MATCAP2: variants seen among roughly 807,000 people sequenced by gnomAD.
MATCAP2 encodes putative tyrosine carboxypeptidase MATCAP2.
chr7:36,383,664 G>A, the MATCAP2 span, among the ~76,000 whole-genome samples: 5 of 152,244 alleles, frequency 3.3e-5, no homozygotes, highest in South Asian at 1.0e-3. Flanking sequence ...GGTCTGTAGG[G>A]GGGTGGAGAG....
chr7:36,389,755 C>G, the MATCAP2 span: 1 of 429,700 alleles, frequency 2.3e-6, no homozygotes, highest in Non-Finnish European at 4.0e-6. Flanking sequence ...CGGCCCGGCG[C>G]GGCCACGTGA....
At chr7:36,330,147 C>T in the MATCAP2 span, among the ~76,000 whole-genome samples, 4 of 151,220 alleles carry the variant, frequency 2.6e-5, no homozygotes, top group Admixed American at 1.3e-4. Context: ...TTCAGTGGTA[C>T]GATCATGGCT....
chr7:36,359,020 AG>A, the MATCAP2 span, among the ~76,000 whole-genome samples: 1 of 152,226 alleles, frequency 6.6e-6, no homozygotes, highest in Non-Finnish European at 1.5e-5. Flanking sequence ...CCTGTCAATA[AG>A]TGTTCACTGA....
the MATCAP2 span, among the ~76,000 whole-genome samples, chr7:36,350,594 G>A: frequency 2.2e-4 from 33 of 149,872 alleles, no homozygotes; most frequent in African/African-American, 7.1e-4. Context: ...TAGTGCAATG[G>A]CATGATCTTG....
the MATCAP2 span, among the ~76,000 whole-genome samples, chr7:36,387,834 G>A: frequency 6.6e-6 from 1 of 151,998 alleles, no homozygotes; most frequent in African/African-American, 2.4e-5. Flanking sequence ...AAGGCACAAC[G>A]GCTACATAAA....
the MATCAP2 span, chr7:36,326,447 T>C: frequency 5.6e-6 from 1 of 179,958 alleles, no homozygotes; most frequent in African/African-American, 2.4e-5. Flanking sequence ...ACTAGGCCAG[T>C]GCTTACTGCT....
the MATCAP2 span, among the ~76,000 whole-genome samples, chr7:36,334,435 TGAG>T: frequency 6.9e-6 from 1 of 145,410 alleles, no homozygotes; most frequent in East Asian, 2.1e-4. Context: ...CTCAGGAGGC[TGAG>T]GTGAAGAGGA....
At chr7:36,332,816 A>G in the MATCAP2 span, among the ~76,000 whole-genome samples, 4 of 152,210 alleles carry the variant, frequency 2.6e-5, no homozygotes, top group Admixed American at 6.5e-5. Flanking sequence ...AGTCCCAGCT[A>G]CTTGGGAGGC....
At chr7:36,354,100 A>G in the MATCAP2 span, among the ~76,000 whole-genome samples, 2 of 152,160 alleles carry the variant, frequency 1.3e-5, no homozygotes. Flanking sequence ...GTTTCTGTCA[A>G]GTTTAAACGT....
the MATCAP2 span, among the ~76,000 whole-genome samples, chr7:36,384,585 A>G: frequency 2.0e-5 from 3 of 152,236 alleles, no homozygotes; most frequent in Non-Finnish European, 4.4e-5. Context: ...AAACATAAAC[A>G]CATAACTAAA....
the MATCAP2 span, chr7:36,331,096 A>G: frequency 6.6e-7 from 1 of 1,505,392 alleles, no homozygotes; most frequent in Non-Finnish European, 9.2e-7. Flanking sequence ...GAACCAGAAT[A>G]GTGTTTACTT....
the MATCAP2 span, among the ~76,000 whole-genome samples, chr7:36,366,460 G>A: frequency 6.6e-6 from 1 of 152,072 alleles, no homozygotes. Context: ...AACTCAAAAC[G>A]TTCTCACTGT....
chr7:36,336,236 G>C, the MATCAP2 span: 2 of 1,535,000 alleles, frequency 1.3e-6, no homozygotes, highest in Non-Finnish European at 1.7e-6. Flanking sequence ...ACCACCAGTG[G>C]CTTGTTCAAA....
chr7:36,369,183 A>G, the MATCAP2 span, among the ~76,000 whole-genome samples: 251 of 152,342 alleles, frequency 1.6e-3, 1 homozygote, highest in Admixed American at 3.1e-3. Context: ...TTGTGAATTA[A>G]TGAATAAGTA....
chr7:36,385,850 A>AATAAG, the MATCAP2 span, among the ~76,000 whole-genome samples: 7 of 147,046 alleles, frequency 4.8e-5, no homozygotes, highest in African/African-American at 7.6e-5. Flanking sequence ...AATAAAATAA[A>AATAAG]ATAAGATAAA....
At chr7:36,357,698 G>T in the MATCAP2 span, 3 of 815,750 alleles carry the variant, frequency 3.7e-6, no homozygotes, top group Non-Finnish European at 5.6e-6. Flanking sequence ...TCGTAATTTT[G>T]CAGTAATCAT....
chr7:36,340,595 A>T, the MATCAP2 span, among the ~76,000 whole-genome samples: 2 of 152,172 alleles, frequency 1.3e-5, no homozygotes, highest in Non-Finnish European at 2.9e-5. Context: ...CTGAATGTCT[A>T]GCCTTTCATT....
At chr7:36,347,398 T>C in the MATCAP2 span, among the ~76,000 whole-genome samples, 1 of 152,188 alleles carries the variant, frequency 6.6e-6, no homozygotes, top group Non-Finnish European at 1.5e-5. Context: ...CAGTTTTCAC[T>C]TAATGAAAAA....
the MATCAP2 span, among the ~76,000 whole-genome samples, chr7:36,376,149 C>A: frequency 1.3e-5 from 2 of 152,212 alleles, no homozygotes; most frequent in Non-Finnish European, 2.9e-5. Context: ...AATTTGTTTG[C>A]TCTTGCTTCT....
Sources: gnomAD v4.1 joint callset for allele counts (sites outside exome capture counted in the v4.1 genomes callset) on GRCh38, gnomAD v4.1.1 for gene constraint, MANE v1.5 for transcripts, NCBI Gene and HGNC (gene_info 2026-07-23, HGNC 2026-07-21) for gene names.